PTPRN2: variants seen among roughly 807,000 people sequenced by gnomAD.
PTPRN2 encodes the protein receptor-type tyrosine-protein phosphatase N2.
Under a neutral mutation model 118.8 loss-of-function variants are expected in PTPRN2, and 74 were observed. The observed-to-expected ratio is 0.62, with a 90% confidence interval of 0.52 to 0.76. The LOEUF is 0.76. Ranked by LOEUF, PTPRN2 falls within the 30% of genes least tolerant of loss-of-function variation. The probability of loss-of-function intolerance (pLI) is 0.00; values close to 1 mark genes in which losing one functional copy is unlikely to be tolerated. For synonymous variants in PTPRN2, 641 were observed against 608.0 expected (o/e 1.05, Z -0.80); for missense variants, 1,481 against 1,394.4 (o/e 1.06, Z -0.99).
At chr7:157,936,002 C>T (rs1799676794) in intron 11 of PTPRN2, among the ~76,000 whole-genome samples, 1 of 151,368 alleles carries the variant, frequency 6.6e-6, no homozygotes, top group Non-Finnish European at 1.5e-5. Context: ...GGGGTTTAGA[C>T]ATCTTCAGCA....
At chr7:157,765,005 C>T (rs915519041) in intron 12 of PTPRN2, among the ~76,000 whole-genome samples, 1 of 149,588 alleles carries the variant, frequency 6.7e-6, no homozygotes, top group East Asian at 2.0e-4. Flanking sequence ...ATCCAACCAT[C>T]CATCATTCTT....
In PTPRN2 at chr7:158,142,775, G is replaced by T. The variant is rs1208076749; in HGVS notation, c.911-4260C>A. On this transcript the variant is annotated intron_variant, in intron 6 of 22. Coordinates refer to ENST00000389418, the MANE Select transcript of PTPRN2 (RefSeq NM_002847.5). Reference sequence around the variant, plus strand: ...CATGCCTAAAACCGCAGCAAAGCCTGCCTTCACCGCTACTCCTGTCTGCAG... The same window carrying T: ...CATGCCTAAAACCGCAGCAAAGCCTTCCTTCACCGCTACTCCTGTCTGCAG... Among the ~76,000 whole-genome samples, 4 of 152,204 alleles carry T rather than the reference G, an allele frequency of 2.6e-5. 1 individual carries two copies. Among genetic ancestry groups the T allele is most frequent in the Admixed American group, 2.6e-4 (4 of 15,280 alleles).
Position 158,542,596 on chromosome 7 carries a change from CA to C in PTPRN2, c.112+44961del, listed in dbSNP as rs1254013192. On this transcript the variant is annotated intron_variant, in intron 1 of 22. Coordinates refer to ENST00000389418, the MANE Select transcript of PTPRN2 (RefSeq NM_002847.5). ...TTAAATGTAGCTGAAGAGGCTGCAG[CA>C]GCGTCCATCCCTCTCCCAGCGGAGC... Among the ~76,000 whole-genome samples the C allele has an allele frequency of 3.3e-5, 5 of 152,332 alleles. No individual in the cohort carries two copies. In the East Asian group the frequency reaches 9.6e-4, roughly 29 times the overall value.
intron 9 of PTPRN2, among the ~76,000 whole-genome samples, chr7:158,124,095 T>C (rs984353865): frequency 2.0e-5 from 3 of 152,246 alleles, no homozygotes; most frequent in African/African-American, 7.2e-5. Context: ...CATCATGAAC[T>C]GAATGTTTTC....
At chr7:157,661,019 G>T (rs1007837392) in intron 13 of PTPRN2, among the ~76,000 whole-genome samples, 4 of 152,224 alleles carry the variant, frequency 2.6e-5, no homozygotes, top group Admixed American at 6.5e-5. Context: ...CTCGCAAAGT[G>T]TTGGGATTAC....
chr7:157,858,110 C>CCCCCCAG (rs1809888647), intron 12 of PTPRN2, among the ~76,000 whole-genome samples: 2 of 86,940 alleles, frequency 2.3e-5, no homozygotes. Flanking sequence ...GCAGGGAGAG[C>CCCCCCAG]CTCCCAGCCA....
intron 21 of PTPRN2, among the ~76,000 whole-genome samples, chr7:157,553,973 G>C (rs1158101783): frequency 7.4e-6 from 1 of 134,384 alleles, no homozygotes; most frequent in Admixed American, 7.3e-5. Flanking sequence ...GGCCAGGCCG[G>C]GCGCCGGATC....
chr7:158,070,609 C>T (rs147236620), intron 11 of PTPRN2, among the ~76,000 whole-genome samples: 1,092 of 76,248 alleles, frequency 0.014, 91 homozygotes, highest in African/African-American at 0.065. Context: ...TGGAGGTGCT[C>T]CTGGTGGTGG....
At chr7:158,179,944 A>G (rs1360289597) in intron 5 of PTPRN2, among the ~76,000 whole-genome samples, 1 of 152,248 alleles carries the variant, frequency 6.6e-6, no homozygotes, top group Non-Finnish European at 1.5e-5. Context: ...AGTAGCTATA[A>G]ATATGACTGC....
At chr7:157,883,378 T>C (rs1363654519) in intron 12 of PTPRN2, among the ~76,000 whole-genome samples, 1 of 145,756 alleles carries the variant, frequency 6.9e-6, no homozygotes, top group African/African-American at 2.6e-5. Context: ...AAAATGACTG[T>C]TGGAGAAGAG....
chr7:157,870,850 C>T (rs749522894), intron 12 of PTPRN2, among the ~76,000 whole-genome samples: 3 of 152,334 alleles, frequency 2.0e-5, no homozygotes, highest in Non-Finnish European at 4.4e-5. Context: ...ACCTGGGTTG[C>T]GTAAGGGGCT....
chr7:157,885,709 G>A (rs1441621501), intron 12 of PTPRN2, among the ~76,000 whole-genome samples: 1 of 152,220 alleles, frequency 6.6e-6, no homozygotes, highest in Non-Finnish European at 1.5e-5. Flanking sequence ...TGCTATAGAT[G>A]TAGCTAAGGA....
At chr7:157,913,667 A>G (rs1798220044) in intron 11 of PTPRN2, among the ~76,000 whole-genome samples, 1 of 152,218 alleles carries the variant, frequency 6.6e-6, no homozygotes, top group Non-Finnish European at 1.5e-5. Context: ...TCTTTTCATT[A>G]ATGTGATAGA....
In PTPRN2 at chr7:157,831,142, G is replaced by A. The variant is rs1331390950; in HGVS notation, c.1788+67531C>T. Among the ~76,000 whole-genome samples the A allele has an allele frequency of 6.6e-6, 1 of 152,200 alleles. No homozygotes were observed. Among genetic ancestry groups the A allele is most frequent in the Admixed American group, 6.5e-5 (1 of 15,286 alleles). On this transcript the variant is annotated intron_variant, in intron 12 of 22. Transcript: ENST00000389418. The surrounding 1 kb of genome is among the most constrained non-coding windows in gnomAD (Gnocchi z 4.8). ...GCAAAATAAAATTCTGGGATAAAGG[G>A]AGAAGCACAGGAAGAGGGACTCCTT...
chr7:157,823,409 A>G (rs1401720909), intron 12 of PTPRN2, among the ~76,000 whole-genome samples: 1 of 152,254 alleles, frequency 6.6e-6, no homozygotes, highest in Non-Finnish European at 1.5e-5. Context: ...CTTGACAATG[A>G]GCGTCCGTAC....
intron 2 of PTPRN2, among the ~76,000 whole-genome samples, chr7:158,370,333 G>GA (rs1386306796): frequency 6.6e-6 from 1 of 152,216 alleles, no homozygotes; most frequent in African/African-American, 2.4e-5. Flanking sequence ...TTACTCGAGA[G>GA]GCTGAGGCAG....
chr7:158,330,452 G>A (rs1269743543), intron 2 of PTPRN2, among the ~76,000 whole-genome samples: 1 of 100,122 alleles, frequency 1.0e-5, no homozygotes, highest in Admixed American at 1.1e-4. Flanking sequence ...GCTGACACCC[G>A]CAGACGTCAC....
intron 11 of PTPRN2, among the ~76,000 whole-genome samples, chr7:158,060,435 C>T (rs536665151): frequency 5.9e-5 from 9 of 152,352 alleles, no homozygotes; most frequent in East Asian, 3.9e-4. Flanking sequence ...CCAGCTCCCA[C>T]GGCTGTGGCG....
rs1052704037 is a variant in PTPRN2 at position 157,671,711 on chromosome 7, C to T, written c.2001+11014G>A. Among the ~76,000 whole-genome samples the T allele has an allele frequency of 1.3e-5, 2 of 152,100 alleles. No individual in the cohort carries two copies. Among genetic ancestry groups the T allele is most frequent in the East Asian group, 1.9e-4 (1 of 5,184 alleles). ...ACTGGAGCAGCTGCTTCTCCATTTT[C>T]GGAACTGCACGTCGTTCTGGGGCCC... On this transcript the variant is annotated intron_variant, in intron 13 of 22. Transcript: ENST00000389418. This position sits in a 1 kb window ranked among gnomAD's most constrained non-coding sequence, Gnocchi z 4.1.
Sources: gnomAD v4.1 joint callset for allele counts (sites outside exome capture counted in the v4.1 genomes callset) on GRCh38, gnomAD v4.1.1 for gene constraint, Gnocchi (gnomAD v3.1) non-coding constraint, MANE v1.5 for transcripts, NCBI Gene and HGNC (gene_info 2026-07-23, HGNC 2026-07-21) for gene names.